ARID5B: variants seen among roughly 807,000 people sequenced by gnomAD.
ARID5B encodes AT-rich interaction domain 5B, also known as AT-rich interactive domain-containing protein 5B.
ARID5B carries 13 observed loss-of-function variants against 97.2 expected under a neutral mutation model. That is an observed-to-expected ratio of 0.13 (90% CI 0.09 to 0.21). The LOEUF (loss-of-function observed/expected upper bound fraction) is 0.21, where lower values mean the gene tolerates loss of function less well. Among genes scored for constraint, ARID5B ranks in the 10% least tolerant of loss-of-function variants. The probability of loss-of-function intolerance (pLI) is 1.00; values close to 1 mark genes in which losing one functional copy is unlikely to be tolerated. For missense variants in ARID5B, 1,210 were observed against 1,465.3 expected, an observed-to-expected ratio of 0.83 and a Z score of 2.84; for synonymous variants, 556 against 570.3, an observed-to-expected ratio of 0.97 and a Z score of 0.36.
At chr10:61,922,449 A>G (rs1564602472) in intron 2 of ARID5B, among the ~76,000 whole-genome samples, 1 of 152,234 alleles carries the variant, frequency 6.6e-6, no homozygotes, top group Non-Finnish European at 1.5e-5. Context: ...TTAAAAATAC[A>G]AAAATTAGCT....
chr10:61,972,757 C>T (rs1838646577), intron 3 of ARID5B, among the ~76,000 whole-genome samples: 1 of 152,124 alleles, frequency 6.6e-6, no homozygotes, highest in African/African-American at 2.4e-5. Flanking sequence ...TTAGGATAAA[C>T]TCCTAGAAGT....
intron 1 of ARID5B, among the ~76,000 whole-genome samples, chr10:61,901,935 A>G: frequency 6.6e-6 from 1 of 150,496 alleles, no homozygotes; most frequent in East Asian, 2.0e-4. Context: ...ACCGCCTCAA[A>G]TGGGGAGGTG....
At chr10:61,992,413 T>C (rs1838939067) in intron 3 of ARID5B, among the ~76,000 whole-genome samples, 1 of 152,312 alleles carries the variant, frequency 6.6e-6, no homozygotes, top group East Asian at 1.9e-4. Flanking sequence ...TGATGTTTTT[T>C]TTCTTGAGTG....
At chr10:61,943,479 C>G (rs1475016414) in intron 3 of ARID5B, among the ~76,000 whole-genome samples, 1 of 143,202 alleles carries the variant, frequency 7.0e-6, no homozygotes, top group Non-Finnish European at 1.5e-5. Flanking sequence ...GGCCCCCCCC[C>G]TTTTTTTCTG....
At chr10:61,951,521 G>A (rs1266816823) in intron 3 of ARID5B, among the ~76,000 whole-genome samples, 3 of 152,132 alleles carry the variant, frequency 2.0e-5, no homozygotes, top group Admixed American at 1.3e-4. Context: ...ATGCCTACGG[G>A]ATAAAATACA....
intron 3 of ARID5B, among the ~76,000 whole-genome samples, chr10:61,946,779 G>A (rs1233003185): frequency 1.3e-5 from 2 of 151,978 alleles, no homozygotes; most frequent in African/African-American, 4.8e-5. Context: ...AAATTATCCG[G>A]GCATGGTGGC....
intron 8 of ARID5B, among the ~76,000 whole-genome samples, chr10:62,077,985 C>T (rs1293022024): frequency 6.6e-6 from 1 of 152,206 alleles, no homozygotes; most frequent in Non-Finnish European, 1.5e-5. Flanking sequence ...AACTCTTCCA[C>T]TGAAAACCTC....
chr10:61,929,318 T>G (rs6479778), intron 2 of ARID5B, among the ~76,000 whole-genome samples: 1 of 152,038 alleles, frequency 6.6e-6, no homozygotes, highest in African/African-American at 2.4e-5. Context: ...GAGTATGCCA[T>G]GCTTTCCTGT....
chr10:62,094,315 G>GTGA lies in ARID5B; in HGVS notation c.*1287_*1289dup. 4.3e-6 allele frequency: 1 copy of GTGA among 231,082 alleles called. No homozygotes were observed. Among genetic ancestry groups the GTGA allele is most frequent in the Non-Finnish European group, 8.6e-6 (1 of 116,702 alleles). The allele number at this position is 231,082 out of a possible 1,614,324, so 14.3% of individuals were successfully genotyped here. On this transcript the variant is annotated 3_prime_UTR_variant, in exon 10 of 10. Coordinates refer to ENST00000279873, the MANE Select transcript of ARID5B (RefSeq NM_032199.3). Reference sequence around the variant, plus strand: ...AGCTTCTCTAGCCTCGGTCTTTTGAGTGATAAGTAGTCATGTTGTTTTCAT... The same window carrying GTGA: ...AGCTTCTCTAGCCTCGGTCTTTTGAGTGATGATAAGTAGTCATGTTGTTTTCAT...
At chr10:61,986,884 C>T (rs1838854386) in intron 3 of ARID5B, among the ~76,000 whole-genome samples, 2 of 152,116 alleles carry the variant, frequency 1.3e-5, no homozygotes, top group Admixed American at 1.3e-4. Context: ...TTAAAGACCC[C>T]CCAGGAAGTC....
chr10:61,963,948 G>T (rs1030140478), intron 3 of ARID5B, among the ~76,000 whole-genome samples: 14 of 152,060 alleles, frequency 9.2e-5, no homozygotes, highest in Non-Finnish European at 2.1e-4. Context: ...GAAAAACATT[G>T]CCAGGATCTG....
At chr10:62,051,347 T>C (rs1839787844) in intron 5 of ARID5B, among the ~76,000 whole-genome samples, 1 of 152,246 alleles carries the variant, frequency 6.6e-6, no homozygotes. Flanking sequence ...GTGTCAAAAA[T>C]AGACCAGCTG....
intron 8 of ARID5B, among the ~76,000 whole-genome samples, chr10:62,079,835 G>A (rs1243776394): frequency 3.9e-5 from 6 of 152,188 alleles, no homozygotes; most frequent in African/African-American, 1.2e-4. Context: ...TGCCCATTGA[G>A]TAGGTAATGA....
intron 3 of ARID5B, among the ~76,000 whole-genome samples, chr10:61,961,082 T>C (rs1838464494): frequency 6.6e-6 from 1 of 152,270 alleles, no homozygotes; most frequent in African/African-American, 2.4e-5. Flanking sequence ...TCTTAAGCCT[T>C]AAATCAGGAT....
intron 5 of ARID5B, among the ~76,000 whole-genome samples, chr10:62,052,472 T>G (rs957038859): frequency 1.9e-4 from 29 of 152,292 alleles, no homozygotes; most frequent in Admixed American, 1.7e-3. Flanking sequence ...CCTTCTTGGT[T>G]GACAGCATTT....
chr10:61,976,490 A>T (rs1256404703), intron 3 of ARID5B, among the ~76,000 whole-genome samples: 2 of 152,176 alleles, frequency 1.3e-5, no homozygotes, highest in Admixed American at 1.3e-4. Flanking sequence ...AGGCTCAGGA[A>T]ATTGGTGTTT....
intron 8 of ARID5B, among the ~76,000 whole-genome samples, chr10:62,085,012 G>A (rs1426940743): frequency 6.6e-6 from 1 of 152,116 alleles, no homozygotes; most frequent in African/African-American, 2.4e-5. Context: ...TTTTATCTTA[G>A]ATGTTTCATC....
At chr10:61,920,754 T>A (rs1421695300) in intron 2 of ARID5B, among the ~76,000 whole-genome samples, 1 of 152,228 alleles carries the variant, frequency 6.6e-6, no homozygotes, top group Non-Finnish European at 1.5e-5. Context: ...TTTTATTCAA[T>A]TAAATTCAAT....
At chr10:61,908,274 G>A (rs566343230) in intron 2 of ARID5B, among the ~76,000 whole-genome samples, 5 of 152,282 alleles carry the variant, frequency 3.3e-5, no homozygotes, top group East Asian at 3.9e-4. Context: ...AATAGTTTGC[G>A]ATGTGACCCT....
Sources: allele counts gnomAD v4.1 joint callset (sites outside exome capture counted in the v4.1 genomes callset), GRCh38; gene constraint gnomAD v4.1.1; transcripts MANE v1.5; gene names NCBI Gene and HGNC (gene_info 2026-07-23, HGNC 2026-07-21).